Variants in CNOT9 observed in about 807,000 individuals in gnomAD.
CNOT9 encodes CCR4-NOT transcription complex subunit 9.
A neutral mutation model predicts 37.4 loss-of-function variants in CNOT9; 8 were observed. That is an observed-to-expected ratio of 0.21 (90% CI 0.13 to 0.39). CNOT9 has a LOEUF of 0.39. Among genes scored for constraint, CNOT9 ranks in the 10% least tolerant of loss-of-function variants. CNOT9 has a pLI of 1.00. For missense variants in CNOT9, 154 were observed against 365.3 expected, an observed-to-expected ratio of 0.42 and a Z score of 4.71; for synonymous variants, 120 against 137.6, an observed-to-expected ratio of 0.87 and a Z score of 0.90.
chr2:218,576,322 C>G (rs1694166531), intron 1 of CNOT9, among the ~76,000 whole-genome samples: 1 of 152,016 alleles, frequency 6.6e-6, no homozygotes, highest in African/African-American at 2.4e-5. Context: ...AGAATATTTC[C>G]TTTTTATTCT....
intron 5 of CNOT9, among the ~76,000 whole-genome samples, chr2:218,591,089 G>A (rs1016368130): frequency 6.6e-5 from 10 of 152,220 alleles, no homozygotes; most frequent in African/African-American, 1.9e-4. Flanking sequence ...ACTTAATCAC[G>A]TCTGCAAAGT....
At chr2:218,583,161 G>T in intron 3 of CNOT9, 75 bp downstream of exon 3, 1 of 794,614 alleles carries the variant, frequency 1.3e-6, no homozygotes, top group Non-Finnish European at 2.1e-6. Flanking sequence ...AATAATAAAA[G>T]GAAGGGCATG....
rs57839540 is a variant in CNOT9 at position 218,595,404 on chromosome 2, C to CTTTTTTTTTTTTTTTTTTTT, written c.*1137_*1156dup. ...GAGGGCTGGGTTCTGCTCACTCAGT[C>CTTTTTTTTTTTTTTTTTTTT]TTTTTTTTTTTTTTTTTTTTTTTTT... On this transcript the variant is annotated 3_prime_UTR_variant, in exon 8 of 8. Coordinates refer to ENST00000273064, the MANE Select transcript of CNOT9 (RefSeq NM_005444.3). 4.3e-4 allele frequency: 22 copies of CTTTTTTTTTTTTTTTTTTTT among 50,942 alleles called. 3 individuals are homozygous for CTTTTTTTTTTTTTTTTTTTT. The highest frequency in any genetic ancestry group is 1.1e-3 in the East Asian group (1 of 944). The allele number at this position is 50,942 out of a possible 1,614,324, so 3.2% of individuals were successfully genotyped here. A position where few individuals can be genotyped will look rare whatever the true frequency, so the allele number is the denominator to read the frequency against.
chr2:218,585,851 A>C (rs1225220024), intron 4 of CNOT9, among the ~76,000 whole-genome samples: 1 of 151,902 alleles, frequency 6.6e-6, no homozygotes, highest in African/African-American at 2.4e-5. Flanking sequence ...TTTGTTGCCC[A>C]GGCTTGTCTC....
chr2:218,593,180 T>C (rs1694836931), intron 7 of CNOT9: 1 of 238,138 alleles, frequency 4.2e-6, no homozygotes, highest in East Asian at 9.2e-5. Flanking sequence ...ACTGTAGATA[T>C]AATGCATTTT....
At chr2:218,573,142 AC>A (rs1694054819) in intron 1 of CNOT9, among the ~76,000 whole-genome samples, 1 of 151,966 alleles carries the variant, frequency 6.6e-6, no homozygotes, top group Non-Finnish European at 1.5e-5. Flanking sequence ...ACGTAGTGAA[AC>A]CCCGTCTTTG....
At position 218,596,104 on chromosome 2, in the gene CNOT9, C is replaced by G. The variant is rs1694919997; in HGVS notation, c.*1828C>G. 1 of 152,218 alleles carries G rather than the reference C, an allele frequency of 6.6e-6. No individual in the cohort carries two copies. The highest frequency in any genetic ancestry group is 2.4e-5 in the African/African-American group (1 of 41,432). 9.4% of individuals were successfully genotyped at this position (152,218 alleles called of 1,614,324 possible). ...ACCCAGATTTTTGACAACCGCCTTC[C>G]TGCTGAGCCAAAGTTTTCTCATTAC... On this transcript the variant is annotated 3_prime_UTR_variant, in exon 8 of 8. Coordinates refer to ENST00000273064, the MANE Select transcript of CNOT9 (RefSeq NM_005444.3).
rs563103417 is a variant in CNOT9, at chr2:218,596,468, A to G, written c.*2192A>G. The G allele has an allele frequency of 4.6e-5, 7 of 152,368 alleles. No homozygotes were observed. The highest frequency in any genetic ancestry group is 1.3e-4 in the Admixed American group (2 of 15,294). 9.4% of individuals were successfully genotyped at this position (152,368 alleles called of 1,614,324 possible). ...ACACTGGAGATTTTATTCTATCAGT[A>G]TATGGGTAACTAGGCACTTTGGTCA... On this transcript the variant is annotated 3_prime_UTR_variant, in exon 8 of 8. Transcript: ENST00000273064.
intron 5 of CNOT9, among the ~76,000 whole-genome samples, chr2:218,588,227 T>G (rs1369662313): frequency 6.6e-6 from 1 of 152,160 alleles, no homozygotes; most frequent in Non-Finnish European, 1.5e-5. Context: ...ACTTACTTTT[T>G]TGTGTGGTTA....
chr2:218,580,868 GT>G, intron 2 of CNOT9, 128 bp downstream of exon 2: 1 of 862,690 alleles, frequency 1.2e-6, no homozygotes, highest in Non-Finnish European at 1.8e-6. Context: ...GTAAGAATCT[GT>G]TTTAGAAAGG....
At position 218,592,530 on chromosome 2, in the gene CNOT9, G is replaced by A; in HGVS notation, c.640-86G>A. The A allele has an allele frequency of 6.6e-7, 1 of 1,504,900 alleles. No homozygotes were observed. Among genetic ancestry groups the A allele is most frequent in the Non-Finnish European group, 9.3e-7 (1 of 1,080,638 alleles). 93.2% of individuals were successfully genotyped at this position (1,504,900 alleles called of 1,614,324 possible). A position where few individuals can be genotyped will look rare whatever the true frequency, so the allele number is the denominator to read the frequency against. ...AATTTTGGAACCTTTTATGATTCTT[G>A]GACTATCTGATCTCTGATGTCAATT... On this transcript the variant is annotated intron_variant, in intron 6 of 7. Transcript: ENST00000273064. The surrounding 1 kb of genome is among the most constrained non-coding windows in gnomAD (Gnocchi z 4.1).
chr2:218,588,813 G>T (rs1387123369), intron 5 of CNOT9, among the ~76,000 whole-genome samples: 1 of 150,276 alleles, frequency 6.7e-6, no homozygotes, highest in East Asian at 2.0e-4. Context: ...GACCTCAGAT[G>T]ATCCGCCCAC....
rs1431922032 is a variant in CNOT9, at chr2:218,583,227, GTGTGTGTCTCTCTCTC to G, written c.320+143_320+158del. The G allele has an allele frequency of 5.4e-3, 1,140 of 209,722 alleles. 1 individual carries two copies. The highest frequency in any genetic ancestry group is 7.2e-3 in the Non-Finnish European group (856 of 119,454). 13.0% of individuals were successfully genotyped at this position (209,722 alleles called of 1,614,324 possible). ...TGTGTGTGTGTGTGTGTGTGTGTGT[GTGTGTGTCTCTCTCTC>G]TCTCTCTCTCTCTCTCTCTCTCTCT... On this transcript the variant is annotated intron_variant, in intron 3 of 7. Coordinates refer to ENST00000273064, the MANE Select transcript of CNOT9 (RefSeq NM_005444.3).
At chr2:218,589,382 C>T (rs1158253686) in intron 5 of CNOT9, 1 of 152,016 alleles carries the variant, frequency 6.6e-6, no homozygotes, top group Non-Finnish European at 1.5e-5. Context: ...TGTCTGTCAC[C>T]CAGGCTGGAG....
At position 218,588,588 on chromosome 2, in the gene CNOT9, C is replaced by CTT. The variant is rs1172484260; in HGVS notation, c.540+918_540+919dup. Among the ~76,000 whole-genome samples the CTT allele has an allele frequency of 6.4e-3, 214 of 33,446 alleles. 68 individuals are homozygous for CTT. The highest frequency in any genetic ancestry group is 0.027 in the African/African-American group (202 of 7,392). The allele number at this position is 33,446 out of a possible 152,430, so 21.9% of individuals were successfully genotyped here. A position where few individuals can be genotyped will look rare whatever the true frequency, so the allele number is the denominator to read the frequency against. ...ACAGTCATGAGCCACTCCACCCGGCCTTTTTTTTTTTTTTTTTTTTTTTTT... is the reference window on the plus strand; with the variant it reads ...ACAGTCATGAGCCACTCCACCCGGCCTTTTTTTTTTTTTTTTTTTTTTTTTTT... On this transcript the variant is annotated intron_variant, in intron 5 of 7. Coordinates refer to ENST00000273064, the MANE Select transcript of CNOT9 (RefSeq NM_005444.3).
intron 1 of CNOT9, among the ~76,000 whole-genome samples, chr2:218,578,361 A>G (rs576742297): frequency 2.6e-5 from 4 of 152,344 alleles, no homozygotes; most frequent in Admixed American, 2.6e-4. Context: ...TTAAAAGGCC[A>G]TTATTCAGAT....
chr2:218,593,673 TAA>T, intron 7 of CNOT9: 1 of 1,294,882 alleles, frequency 7.7e-7, no homozygotes, highest in South Asian at 2.3e-5. Flanking sequence ...GCAATTTCTG[TAA>T]AGACACAAAT....
In CNOT9 at chr2:218,594,308, A is replaced by C. The variant is rs367701426; in HGVS notation, c.*32A>C. ...CCTGTTCCCTCCCACTACTCCCCCA[A>C]GTTGGGGAAAGGAGGGGGAACCTAC... On this transcript the variant is annotated 3_prime_UTR_variant, in exon 8 of 8. Transcript: ENST00000273064. The C allele has an allele frequency of 3.2e-6, 5 of 1,573,386 alleles. No individual in the cohort carries two copies. Among genetic ancestry groups the C allele is most frequent in the Non-Finnish European group, 4.3e-6 (5 of 1,158,052 alleles).
chr2:218,574,254 C>T (rs1694094606), intron 1 of CNOT9: 1 of 195,562 alleles, frequency 5.1e-6, no homozygotes, highest in Admixed American at 6.0e-5. Flanking sequence ...GTCTCTGTGC[C>T]TGGCCAGGAC....
Sources: gnomAD v4.1 joint callset for allele counts (sites outside exome capture counted in the v4.1 genomes callset) on GRCh38, gnomAD v4.1.1 for gene constraint, Gnocchi (gnomAD v3.1) non-coding constraint, MANE v1.5 for transcripts, NCBI Gene and HGNC (gene_info 2026-07-23, HGNC 2026-07-21) for gene names.